MGAT4C: variants seen among roughly 807,000 people sequenced by gnomAD.
The protein encoded by MGAT4C is alpha-1,3-mannosyl-glycoprotein 4-beta-N-acetylglucosaminyltransferase C.
A neutral mutation model predicts 40.1 loss-of-function variants in MGAT4C; 19 were observed. The ratio of observed to expected loss-of-function variants is 0.47; its 90% CI spans 0.33 to 0.70. MGAT4C has a LOEUF of 0.70. MGAT4C is among the 30% of genes least tolerant of loss of function. The probability of loss-of-function intolerance (pLI) is 0.02; values close to 1 mark genes in which losing one functional copy is unlikely to be tolerated. For synonymous variants in MGAT4C, 181 were observed against 187.1 expected, an observed-to-expected ratio of 0.97 and a Z score of 0.27; for missense variants, 491 against 563.2, an observed-to-expected ratio of 0.87 and a Z score of 1.30.
chr12:86,511,647 G>A (rs1198555426), intron 2 of MGAT4C, among the ~76,000 whole-genome samples: 10 of 152,038 alleles, frequency 6.6e-5, no homozygotes, highest in Admixed American at 5.9e-4. Context: ...ATATACAATG[G>A]GGAAGGAATA....
chr12:86,094,812 A>G (rs574553307), intron 1 of MGAT4C, among the ~76,000 whole-genome samples: 11 of 152,024 alleles, frequency 7.2e-5, no homozygotes, highest in Non-Finnish European at 1.6e-4. Flanking sequence ...TTCTTCTTAA[A>G]AAGACTCAAT....
chr12:86,781,020 G>GTC (rs974880872), intron 1 of MGAT4C, among the ~76,000 whole-genome samples: 2 of 151,790 alleles, frequency 1.3e-5, no homozygotes, highest in African/African-American at 4.9e-5. Flanking sequence ...TATTGTGTGT[G>GTC]TGTGTGTGTG....
intron 1 of MGAT4C, among the ~76,000 whole-genome samples, chr12:86,144,716 T>C (rs979651953): frequency 6.6e-6 from 1 of 152,186 alleles, no homozygotes; most frequent in African/African-American, 2.4e-5. Flanking sequence ...ATTATCATTA[T>C]AGTAAGGTTT....
At chr12:86,195,827 A>G (rs956742048) in intron 1 of MGAT4C, among the ~76,000 whole-genome samples, 3 of 152,330 alleles carry the variant, frequency 2.0e-5, no homozygotes, top group African/African-American at 7.2e-5. Context: ...TATATATAGT[A>G]GAAAAATATA....
At chr12:86,473,868 G>A (rs1957790427) in intron 2 of MGAT4C, among the ~76,000 whole-genome samples, 1 of 151,960 alleles carries the variant, frequency 6.6e-6, no homozygotes, top group Non-Finnish European at 1.5e-5. Flanking sequence ...AGACATGAGG[G>A]TTCACAAAAT....
At chr12:86,497,945 A>T (rs1284021577) in intron 2 of MGAT4C, among the ~76,000 whole-genome samples, 1 of 144,342 alleles carries the variant, frequency 6.9e-6, no homozygotes, top group East Asian at 2.0e-4. Context: ...ATTATATATA[A>T]TATATAAAAT....
At chr12:86,627,881 G>C (rs766372774) in intron 2 of MGAT4C, among the ~76,000 whole-genome samples, 2 of 152,114 alleles carry the variant, frequency 1.3e-5, no homozygotes, top group Non-Finnish European at 2.9e-5. Context: ...AACAAAGCTG[G>C]ATGGAGAATG....
intron 2 of MGAT4C, among the ~76,000 whole-genome samples, chr12:86,692,435 T>G (rs1195469614): frequency 2.0e-5 from 3 of 152,190 alleles, no homozygotes. Flanking sequence ...ACAATCATTA[T>G]TGATAAATTT....
chr12:86,509,153 A>G (rs1032308219), intron 2 of MGAT4C, among the ~76,000 whole-genome samples: 9 of 152,058 alleles, frequency 5.9e-5, no homozygotes, highest in Admixed American at 2.6e-4. Context: ...TGTCCTGAAT[A>G]GTAATGCCTC....
intron 1 of MGAT4C, among the ~76,000 whole-genome samples, chr12:86,102,531 A>T (rs1381030781): frequency 1.3e-5 from 2 of 152,052 alleles, no homozygotes; most frequent in Non-Finnish European, 2.9e-5. Flanking sequence ...CTAAGCTAAT[A>T]AGTTCATATT....
intron 2 of MGAT4C, among the ~76,000 whole-genome samples, chr12:86,648,960 G>A (rs1476001146): frequency 1.3e-5 from 2 of 151,722 alleles, no homozygotes; most frequent in East Asian, 3.9e-4. Context: ...TAATTTCAAT[G>A]CATTTTTGTT....
intron 1 of MGAT4C, among the ~76,000 whole-genome samples, chr12:86,139,000 C>T (rs1882441674): frequency 1.3e-5 from 2 of 152,060 alleles, no homozygotes; most frequent in South Asian, 4.2e-4. Flanking sequence ...ATGCTGTGTC[C>T]TTCAGAGTCT....
intron 2 of MGAT4C, among the ~76,000 whole-genome samples, chr12:86,512,039 T>C (rs1029336635): frequency 6.6e-6 from 1 of 151,436 alleles, no homozygotes; most frequent in African/African-American, 2.4e-5. Flanking sequence ...AAACCTACAA[T>C]GCAATCGCAG....
chr12:86,335,739 T>G (rs1293541278), intron 3 of MGAT4C, among the ~76,000 whole-genome samples: 1 of 152,148 alleles, frequency 6.6e-6, no homozygotes, highest in African/African-American at 2.4e-5. Context: ...AACTAGAATT[T>G]CTATACATCT....
chr12:86,799,582 A>T (rs1952189129), intron 1 of MGAT4C, among the ~76,000 whole-genome samples: 1 of 152,044 alleles, frequency 6.6e-6, no homozygotes, highest in Non-Finnish European at 1.5e-5. Flanking sequence ...AATTTGTCAG[A>T]AGAGAGAACA....
chr12:86,597,255 C>A (rs907708901), intron 2 of MGAT4C, among the ~76,000 whole-genome samples: 46 of 152,304 alleles, frequency 3.0e-4, no homozygotes, highest in African/African-American at 1.0e-3. Flanking sequence ...TAACTCTTGT[C>A]CTTGCCAGCA....
At chr12:86,087,343 C>G (rs1872055840) in intron 1 of MGAT4C, among the ~76,000 whole-genome samples, 1 of 151,960 alleles carries the variant, frequency 6.6e-6, no homozygotes, top group Admixed American at 6.6e-5. Context: ...TTTGTTGCTT[C>G]TGTAAAATAT....
At chr12:86,391,698 A>T (rs1956163004) in intron 3 of MGAT4C, among the ~76,000 whole-genome samples, 1 of 152,074 alleles carries the variant, frequency 6.6e-6, no homozygotes, top group South Asian at 2.1e-4. Flanking sequence ...CTCTACTAAA[A>T]ATACAAAAAA....
At chr12:86,683,730 C>T (rs548880965) in intron 2 of MGAT4C, among the ~76,000 whole-genome samples, 5 of 152,254 alleles carry the variant, frequency 3.3e-5, no homozygotes, top group African/African-American at 9.6e-5. Flanking sequence ...TTTCTCCCCA[C>T]GTTTTTTTCT....
Sources: gnomAD v4.1 joint callset for allele counts (sites outside exome capture counted in the v4.1 genomes callset) on GRCh38, gnomAD v4.1.1 for gene constraint, MANE v1.5 for transcripts, NCBI Gene and HGNC (gene_info 2026-07-23, HGNC 2026-07-21) for gene names.